MAPK10: variants seen among roughly 807,000 people sequenced by gnomAD.
MAPK10 encodes the protein mitogen-activated protein kinase 10.
MAPK10 carries 25 observed loss-of-function variants against 59.3 expected under a neutral mutation model. That is an observed-to-expected ratio of 0.42 (90% CI 0.31 to 0.59). MAPK10 has a LOEUF of 0.59. MAPK10 is among the 20% of genes least tolerant of loss of function. The pLI, the probability that MAPK10 is intolerant of heterozygous loss-of-function variation, is 0.15. For synonymous variants in MAPK10, 190 were observed against 200.5 expected (o/e 0.95, Z 0.44); for missense variants, 351 against 568.9 (o/e 0.62, Z 3.90).
intron 2 of MAPK10, among the ~76,000 whole-genome samples, chr4:86,333,627 A>C (rs538510561): frequency 6.6e-6 from 1 of 152,234 alleles, no homozygotes; most frequent in South Asian, 2.1e-4. Flanking sequence ...TGGACAGTGC[A>C]CTCCCATGCT....
Position 86,388,292 on chromosome 4 carries a change from C to T in MAPK10, c.-121-33648G>A, listed in dbSNP as rs141083465. ...TGATATTACATGGCATTATATATTA[C>T]TTATCGTTTGTCAGTAAACATTCAT... is the stretch of plus-strand genomic sequence containing the variant. On this transcript the variant is annotated intron_variant, in intron 1 of 13. Transcript: ENST00000361569. Among the ~76,000 whole-genome samples the T allele has an allele frequency of 2.6e-4, 39 of 152,078 alleles. 1 individual carries two copies. The East Asian group carries it at 7.3e-3, about 29-fold the overall frequency.
chr4:86,246,493 G>T (rs573609899), intron 2 of MAPK10, among the ~76,000 whole-genome samples: 3 of 152,206 alleles, frequency 2.0e-5, no homozygotes, highest in Non-Finnish European at 4.4e-5. Context: ...CTTATATAAT[G>T]AACATTTTTG....
intron 1 of MAPK10, among the ~76,000 whole-genome samples, chr4:86,581,923 A>ATTATATATATATT (rs1762333254): frequency 7.9e-6 from 1 of 126,286 alleles, no homozygotes; most frequent in African/African-American, 2.9e-5. Context: ...ATATATATAT[A>ATTATATATATATT]TATATATATA....
chr4:86,399,322 T>C (rs1743375077), intron 1 of MAPK10, among the ~76,000 whole-genome samples: 1 of 152,216 alleles, frequency 6.6e-6, no homozygotes, highest in Admixed American at 6.5e-5. Flanking sequence ...TGGTACTTCA[T>C]TATGGTTTTG....
chr4:86,030,296 T>C (rs2038710010), intron 12 of MAPK10, among the ~76,000 whole-genome samples: 1 of 152,110 alleles, frequency 6.6e-6, no homozygotes, highest in African/African-American at 2.4e-5. Flanking sequence ...ATCTCTTTAG[T>C]ATCTTTTAAA....
chr4:86,377,384 G>A (rs1403296713), intron 1 of MAPK10, among the ~76,000 whole-genome samples: 1 of 152,174 alleles, frequency 6.6e-6, no homozygotes, highest in Non-Finnish European at 1.5e-5. Flanking sequence ...AAGCTGACCT[G>A]GCAATGATAA....
At chr4:86,473,446 A>C (rs988688035) in intron 1 of MAPK10, among the ~76,000 whole-genome samples, 3 of 152,332 alleles carry the variant, frequency 2.0e-5, no homozygotes, top group Non-Finnish European at 4.4e-5. Context: ...TAAAAAGAAA[A>C]AATTCTGGGA....
chr4:86,298,897 G>GA (rs1193080288), intron 2 of MAPK10, among the ~76,000 whole-genome samples: 1 of 152,154 alleles, frequency 6.6e-6, no homozygotes, highest in African/African-American at 2.4e-5. Flanking sequence ...AAATGGTTTG[G>GA]AAAAAAATGA....
chr4:86,413,222 A>G (rs1745424526), intron 1 of MAPK10, among the ~76,000 whole-genome samples: 1 of 152,156 alleles, frequency 6.6e-6, no homozygotes, highest in Non-Finnish European at 1.5e-5. Context: ...TTGCCTGAGT[A>G]TCACCAGCAG....
chr4:86,521,221 T>G (rs542014428), intron 1 of MAPK10, among the ~76,000 whole-genome samples: 1 of 152,260 alleles, frequency 6.6e-6, no homozygotes, highest in East Asian at 1.9e-4. Context: ...CTGTAATGTA[T>G]TGAGTTGGTT....
chr4:86,535,878 T>C (rs935234304), intron 1 of MAPK10, among the ~76,000 whole-genome samples: 5 of 152,220 alleles, frequency 3.3e-5, no homozygotes, highest in African/African-American at 9.6e-5. Context: ...TCAAAACATC[T>C]TATCAAATAT....
In MAPK10 at chr4:86,057,555, T is replaced by A. The variant is rs1006979587; in HGVS notation, c.1110+6711A>T. Among the ~76,000 whole-genome samples, 6 of 150,058 alleles carry A rather than the reference T, an allele frequency of 4.0e-5. 1 individual carries two copies. Among genetic ancestry groups the A allele is most frequent in the African/African-American group, 1.5e-4 (6 of 40,068 alleles). ...ATTCTCATTCAATAGAAATTGCTAT[T>A]AACTATTAGAAACCTACCAAGAACA... is the stretch of plus-strand genomic sequence containing the variant. On this transcript the variant is annotated intron_variant, in intron 11 of 13. Coordinates refer to ENST00000641462, the MANE Select transcript of MAPK10 (RefSeq NM_138982.4).
chr4:86,344,177 C>T (rs1279603497), intron 2 of MAPK10, among the ~76,000 whole-genome samples: 1 of 152,190 alleles, frequency 6.6e-6, no homozygotes, highest in African/African-American at 2.4e-5. Flanking sequence ...CTCTGTCACC[C>T]AGGCTGGAGT....
intron 1 of MAPK10, among the ~76,000 whole-genome samples, chr4:86,394,135 G>T (rs1338041450): frequency 6.6e-6 from 1 of 152,116 alleles, no homozygotes; most frequent in East Asian, 1.9e-4. Context: ...CAGGCTTGGT[G>T]GCATGCACCT....
chr4:86,475,804 T>C (rs1753043129), intron 1 of MAPK10, among the ~76,000 whole-genome samples: 1 of 152,022 alleles, frequency 6.6e-6, no homozygotes, highest in African/African-American at 2.4e-5. Context: ...CTCTCTCTTT[T>C]CTCTGGGCTT....
rs147232353 is a variant in MAPK10, at chr4:86,386,622, G to C, written c.-121-31978C>G. On this transcript the variant is annotated intron_variant, in intron 1 of 13. Transcript: ENST00000361569. ...AATTATTGAGATTCCAGGCACAGCA[G>C]GGGGAAAGGTCCTATTTACTGGCCC... 3.1e-3 allele frequency among the ~76,000 whole-genome samples: 474 copies of C among 152,128 alleles called. 4 individuals are homozygous for C. The highest frequency in any genetic ancestry group is 9.6e-3 in the African/African-American group (398 of 41,514).
chr4:86,255,798 A>G (rs896136408), intron 2 of MAPK10, among the ~76,000 whole-genome samples: 1 of 152,194 alleles, frequency 6.6e-6, no homozygotes, highest in Non-Finnish European at 1.5e-5. Context: ...CTACCTTGCT[A>G]TTTAGTAATG....
intron 1 of MAPK10, among the ~76,000 whole-genome samples, chr4:86,480,396 A>G (rs985050921): frequency 3.3e-5 from 5 of 151,594 alleles, no homozygotes; most frequent in Admixed American, 2.6e-4. Flanking sequence ...TTATAAAATG[A>G]CCCCACCCCT....
chr4:86,492,066 A>G (rs772286951), intron 1 of MAPK10, among the ~76,000 whole-genome samples: 3 of 152,208 alleles, frequency 2.0e-5, no homozygotes, highest in Non-Finnish European at 2.9e-5. Flanking sequence ...TTTTCTTAAT[A>G]ACAGTAGAGA....
Sources: allele counts gnomAD v4.1 joint callset (sites outside exome capture counted in the v4.1 genomes callset), GRCh38; gene constraint gnomAD v4.1.1; transcripts MANE v1.5; gene names NCBI Gene and HGNC (gene_info 2026-07-23, HGNC 2026-07-21).